The following PRDX1 variants were observed in gnomAD, a reference collection of about 807,000 sequenced individuals.
PRDX1 encodes the protein peroxiredoxin 1.
In PRDX1, 19 loss-of-function variants were observed where a neutral mutation model predicts 20.7. The ratio of observed to expected loss-of-function variants is 0.92; its 90% CI spans 0.64 to 1.35. The LOEUF (loss-of-function observed/expected upper bound fraction) is 1.35. PRDX1 is among the 40% of genes most tolerant of loss of function. PRDX1 has a pLI of 0.00. For synonymous variants in PRDX1, 89 were observed against 83.9 expected (o/e 1.06, Z -0.33); for missense variants, 226 against 240.0 (o/e 0.94, Z 0.38).
chr1:45,515,128 G>A, intron 3 of PRDX1, 133 bp from the exon 4 acceptor site: 5 of 1,298,636 alleles, frequency 3.9e-6, no homozygotes, highest in Non-Finnish European at 5.3e-6. Flanking sequence ...CAGCAATAAA[G>A]TGAATGCTGA....
intron 2 of PRDX1, among the ~76,000 whole-genome samples, chr1:45,517,178 C>T (rs551671173): frequency 5.9e-5 from 9 of 152,250 alleles, no homozygotes; most frequent in African/African-American, 2.2e-4. Context: ...GAGAACAGCT[C>T]CTCCTAGACC....
At chr1:45,519,305 C>T (rs1163780772) in intron 1 of PRDX1, among the ~76,000 whole-genome samples, 1 of 152,192 alleles carries the variant, frequency 6.6e-6, no homozygotes, top group East Asian at 1.9e-4. Flanking sequence ...AAGGCAATTT[C>T]TTTATATACT....
chr1:45,511,608 G>C (rs1280942199), intron 5 of PRDX1, 194 bp from the exon 6 acceptor site: 2 of 414,594 alleles, frequency 4.8e-6, no homozygotes, highest in East Asian at 7.2e-5. Flanking sequence ...ACAGCCTTAA[G>C]ATACTATCAT....
intron 3 of PRDX1, 28 bp from the exon 4 acceptor site, chr1:45,515,023 C>T (rs781559259): frequency 1.2e-5 from 20 of 1,612,324 alleles, no homozygotes; most frequent in Admixed American, 3.4e-5. Flanking sequence ...CATACAGTTA[C>T]ATTCAAACTC....
chr1:45,516,575 T>G (rs1178614808), intron 2 of PRDX1, among the ~76,000 whole-genome samples: 1 of 152,178 alleles, frequency 6.6e-6, no homozygotes. Context: ...GCAATTTTAA[T>G]GAAGTCACTG....
intron 3 of PRDX1, 74 bp from the exon 4 acceptor site, chr1:45,515,069 C>G (rs1643833859): frequency 6.4e-7 from 1 of 1,561,942 alleles, no homozygotes; most frequent in Admixed American, 2.0e-5. Context: ...TTCCCCTTTC[C>G]CATATTCCTA....
At chr1:45,519,993 T>C (rs1643893719) in intron 1 of PRDX1, among the ~76,000 whole-genome samples, 1 of 151,886 alleles carries the variant, frequency 6.6e-6, no homozygotes, top group Non-Finnish European at 1.5e-5. Context: ...GATCACCGGG[T>C]CAGGAGTTCG....
At chr1:45,520,688 C>T (rs1481188736) in intron 1 of PRDX1, among the ~76,000 whole-genome samples, 1 of 138,692 alleles carries the variant, frequency 7.2e-6, no homozygotes, top group East Asian at 2.1e-4. Flanking sequence ...CCAGCCACTG[C>T]ACTCCAGCCT....
At chr1:45,520,722 T>TC (rs1643903826) in intron 1 of PRDX1, among the ~76,000 whole-genome samples, 2 of 57,756 alleles carry the variant, frequency 3.5e-5, no homozygotes, top group African/African-American at 1.8e-4. Flanking sequence ...AGACTCCGTC[T>TC]CAAAAAAAAA....
At chr1:45,518,624 TG>T (rs1643881456) in intron 2 of PRDX1, among the ~76,000 whole-genome samples, 1 of 152,096 alleles carries the variant, frequency 6.6e-6, no homozygotes, top group South Asian at 2.1e-4. Flanking sequence ...CACTCCAGCC[TG>T]GGTGACAGAA....
chr1:45,519,087 C>T, intron 1 of PRDX1, 33 bp from the exon 2 acceptor site: 1 of 1,457,326 alleles, frequency 6.9e-7, no homozygotes, highest in Non-Finnish European at 9.4e-7. Flanking sequence ...AGAAACAAGC[C>T]TTAATTTTCT....
chr1:45,511,455 G>GGT, intron 5 of PRDX1, 41 bp from the exon 6 acceptor site: 1 of 1,529,784 alleles, frequency 6.5e-7, no homozygotes, highest in Non-Finnish European at 9.0e-7. Flanking sequence ...CCTTCTCAAT[G>GGT]GTATGCACCA....
intron 2 of PRDX1, among the ~76,000 whole-genome samples, chr1:45,516,780 G>T (rs1478996536): frequency 6.6e-6 from 1 of 152,076 alleles, no homozygotes; most frequent in Non-Finnish European, 1.5e-5. Context: ...GAGGCAGTTT[G>T]GGAGGCCGAG....
intron 3 of PRDX1, 55 bp downstream of exon 3, chr1:45,515,599 A>C (rs1643845208): frequency 2.3e-5 from 1 of 43,802 alleles, no homozygotes; most frequent in Non-Finnish European, 3.5e-5. Context: ...ACTCCATCTC[A>C]AAAAAAAAAA....
chr1:45,514,567 A>G lies in PRDX1; in HGVS notation c.454T>C (p.Ser152Pro). The change falls in exon 5 of 6, where the codon TCT becomes CCT. Residue 152 changes from serine (S) to proline (P), a missense_variant. By Grantham distance (74) the Ser-to-Pro change is moderately conservative (BLOSUM62 -1). Transcript: ENST00000319248. ...ITVNDLPVGR[S>P]VDETLRLVQA... ...ACTAGTCTCAAAGTCTCATCCACAGAGCGGCCAACAGGGAGGTCATTTACA... is the reference window on the plus strand; with the variant it reads ...ACTAGTCTCAAAGTCTCATCCACAGGGCGGCCAACAGGGAGGTCATTTACA... 6.2e-7 allele frequency: 1 copy of G among 1,613,906 alleles called. No homozygotes were observed. Among genetic ancestry groups the G allele is most frequent in the Non-Finnish European group, 8.5e-7 (1 of 1,179,782 alleles).
chr1:45,513,517 G>C (rs1484467139), intron 5 of PRDX1: 1 of 152,304 alleles, frequency 6.6e-6, no homozygotes, highest in African/African-American at 2.4e-5. Context: ...CCACTGTGGG[G>C]AAAAGAGAGA....
At chr1:45,518,666 A>G (rs997398559) in intron 2 of PRDX1, among the ~76,000 whole-genome samples, 1 of 151,888 alleles carries the variant, frequency 6.6e-6, no homozygotes, top group African/African-American at 2.4e-5. Flanking sequence ...AAAAATAAAG[A>G]AAGAAAATAG....
At chr1:45,512,730 C>A (rs1643778181) in intron 5 of PRDX1, 1 of 152,134 alleles carries the variant, frequency 6.6e-6, no homozygotes, top group Non-Finnish European at 1.5e-5. Context: ...GCCTACTTTG[C>A]CACTGCTGCC....
intron 1 of PRDX1, among the ~76,000 whole-genome samples, chr1:45,521,413 A>G (rs1643912066): frequency 6.6e-6 from 1 of 152,240 alleles, no homozygotes; most frequent in Non-Finnish European, 1.5e-5. Context: ...GTCAAGGCTC[A>G]GGACCCGGAA....
Sources: allele counts gnomAD v4.1 joint callset (sites outside exome capture counted in the v4.1 genomes callset), GRCh38; gene constraint gnomAD v4.1.1; transcripts MANE v1.5; gene names NCBI Gene and HGNC (gene_info 2026-07-23, HGNC 2026-07-21).